Variants in CDH12 observed in about 807,000 individuals in gnomAD.
CDH12 encodes the protein cadherin-12.
In CDH12, 41 loss-of-function variants were observed where a neutral mutation model predicts 74.1. The ratio of observed to expected loss-of-function variants is 0.55; its 90% CI spans 0.43 to 0.72. CDH12 has a LOEUF of 0.72. Among genes scored for constraint, CDH12 ranks in the 30% least tolerant of loss-of-function variants. The pLI is 0.00. For synonymous variants in CDH12, 399 were observed against 355.0 expected, an observed-to-expected ratio of 1.12 and a Z score of -1.39; for missense variants, 945 against 977.2, an observed-to-expected ratio of 0.97 and a Z score of 0.44.
Position 22,381,922 on chromosome 5 carries a change from T to G in CDH12, c.-333+23335A>C, listed in dbSNP as rs184621444. On this transcript the variant is annotated intron_variant, in intron 3 of 14. Transcript: ENST00000382254. ...GGAAAATCAGGAAATTTAATGGAAA[T>G]ATATATATATATTTCTATAGAGAGA... 2.4e-3 allele frequency among the ~76,000 whole-genome samples: 364 copies of G among 150,008 alleles called. 8 individuals are homozygous for G. The East Asian group carries it at 0.057, about 24-fold the overall frequency.
intron 1 of CDH12, among the ~76,000 whole-genome samples, chr5:22,806,833 T>C (rs1748841361): frequency 6.6e-6 from 1 of 152,196 alleles, no homozygotes; most frequent in Non-Finnish European, 1.5e-5. Context: ...GTTTTTTTCT[T>C]GTAAATTTGT....
chr5:22,711,411 C>T (rs1393315647), intron 1 of CDH12, among the ~76,000 whole-genome samples: 1 of 152,000 alleles, frequency 6.6e-6, no homozygotes, highest in Admixed American at 6.6e-5. Context: ...TGTGATATGA[C>T]AATTTTTTAG....
At chr5:22,165,819 T>C (rs1748650030) in intron 4 of CDH12, among the ~76,000 whole-genome samples, 2 of 152,174 alleles carry the variant, frequency 1.3e-5, no homozygotes, top group African/African-American at 4.8e-5. Flanking sequence ...CCTCTGGTTG[T>C]CCTCACTGCT....
intron 1 of CDH12, among the ~76,000 whole-genome samples, chr5:22,659,339 A>G (rs1740228286): frequency 6.6e-6 from 1 of 152,082 alleles, no homozygotes; most frequent in Non-Finnish European, 1.5e-5. Flanking sequence ...CAGTTAGGAG[A>G]TATAATACCT....
chr5:22,119,233 C>T lies in CDH12; in HGVS notation c.-186-40371G>A, dbSNP rs139223601. 3.2e-3 allele frequency among the ~76,000 whole-genome samples: 482 copies of T among 151,318 alleles called. 9 individuals carry two copies. Among genetic ancestry groups the T allele is most frequent in the African/African-American group, 0.011 (469 of 41,202 alleles). On this transcript the variant is annotated intron_variant, in intron 4 of 14. Transcript: ENST00000382254. ...GCATTCTTTTTGGCTTTGATGTACCCAGTATTGCTAAAGAACAGTGTAACA... is the reference window on the plus strand; with the variant it reads ...GCATTCTTTTTGGCTTTGATGTACCTAGTATTGCTAAAGAACAGTGTAACA...
At chr5:22,203,109 G>T (rs528806767) in intron 4 of CDH12, among the ~76,000 whole-genome samples, 1 of 152,098 alleles carries the variant, frequency 6.6e-6, no homozygotes. Flanking sequence ...TGTGGTGAGA[G>T]CATTCAAAAT....
At chr5:22,754,367 G>A (rs1039243949) in intron 1 of CDH12, among the ~76,000 whole-genome samples, 3 of 152,144 alleles carry the variant, frequency 2.0e-5, no homozygotes, top group Non-Finnish European at 4.4e-5. Flanking sequence ...GCTTCACAGA[G>A]ATAACAGGCC....
At chr5:22,302,560 G>A (rs1737932855) in intron 3 of CDH12, among the ~76,000 whole-genome samples, 1 of 152,090 alleles carries the variant, frequency 6.6e-6, no homozygotes, top group Non-Finnish European at 1.5e-5. Flanking sequence ...AGTAGGGAAT[G>A]CAATTCTCAA....
At chr5:21,938,707 T>TTATATATATAATATACATATA (rs1755183451) in intron 6 of CDH12, among the ~76,000 whole-genome samples, 1 of 132,954 alleles carries the variant, frequency 7.5e-6, no homozygotes, top group South Asian at 2.3e-4. Flanking sequence ...TTATAATATT[T>TTATATATATAATATACATATA]TATATATATA....
intron 1 of CDH12, among the ~76,000 whole-genome samples, chr5:22,603,249 T>A (rs949601256): frequency 3.3e-5 from 5 of 151,786 alleles, no homozygotes; most frequent in African/African-American, 4.8e-5. Flanking sequence ...TGAAAAAAAA[T>A]AAAAATAAAT....
At chr5:22,162,455 C>G (rs1184351846) in intron 4 of CDH12, among the ~76,000 whole-genome samples, 1 of 152,102 alleles carries the variant, frequency 6.6e-6, no homozygotes, top group Admixed American at 6.5e-5. Flanking sequence ...CACTTTCCAT[C>G]TGAAGAATCA....
At chr5:22,528,640 T>C (rs1251553808) in intron 1 of CDH12, among the ~76,000 whole-genome samples, 1 of 152,108 alleles carries the variant, frequency 6.6e-6, no homozygotes, top group Non-Finnish European at 1.5e-5. Context: ...AAGCTCATCA[T>C]TTTCCTTCTC....
intron 11 of CDH12, among the ~76,000 whole-genome samples, chr5:21,776,900 T>G (rs1561174952): frequency 1.3e-5 from 2 of 152,204 alleles, no homozygotes. Flanking sequence ...CAAGTATGTT[T>G]TTGTTCATCA....
chr5:22,664,616 C>T (rs1045157274), intron 1 of CDH12, among the ~76,000 whole-genome samples: 3 of 152,126 alleles, frequency 2.0e-5, no homozygotes, highest in Non-Finnish European at 2.9e-5. Flanking sequence ...TAAGCAAATA[C>T]TGTATATTTC....
chr5:21,796,698 G>A (rs1746799583), intron 10 of CDH12, among the ~76,000 whole-genome samples: 1 of 151,538 alleles, frequency 6.6e-6, no homozygotes, highest in East Asian at 1.9e-4. Flanking sequence ...TTATTCCAAG[G>A]ATAACAGACT....
chr5:22,805,007 A>C (rs1748709945), intron 1 of CDH12, among the ~76,000 whole-genome samples: 1 of 152,216 alleles, frequency 6.6e-6, no homozygotes. Flanking sequence ...ATGGGCAAGA[A>C]TATGAAGCAG....
At chr5:22,154,393 C>T (rs1747856342) in intron 4 of CDH12, among the ~76,000 whole-genome samples, 1 of 147,934 alleles carries the variant, frequency 6.8e-6, no homozygotes, top group Admixed American at 7.0e-5. Context: ...TCCATTTCCC[C>T]TAACCCCAGT....
intron 3 of CDH12, among the ~76,000 whole-genome samples, chr5:22,229,705 C>CA (rs1752318961): frequency 6.6e-6 from 1 of 152,014 alleles, no homozygotes; most frequent in Admixed American, 6.6e-5. Flanking sequence ...TGATTTACCT[C>CA]AAATTTCATG....
intron 1 of CDH12, among the ~76,000 whole-genome samples, chr5:22,517,329 T>C (rs1736854581): frequency 6.6e-6 from 1 of 152,168 alleles, no homozygotes; most frequent in Admixed American, 6.5e-5. Flanking sequence ...AAATTTTGCC[T>C]TCTGCCACTA....
Sources: gnomAD v4.1 joint callset for allele counts (sites outside exome capture counted in the v4.1 genomes callset) on GRCh38, gnomAD v4.1.1 for gene constraint, MANE v1.5 for transcripts, NCBI Gene and HGNC (gene_info 2026-07-23, HGNC 2026-07-21) for gene names.